CFTR: variants seen among roughly 807,000 people sequenced by gnomAD.
CFTR encodes cystic fibrosis transmembrane conductance regulator.
CFTR carries 181 observed loss-of-function variants against 171.6 expected under a neutral mutation model. That is an observed-to-expected ratio of 1.05 (90% CI 0.93 to 1.19). The LOEUF (loss-of-function observed/expected upper bound fraction) is 1.19. Among genes scored for constraint, CFTR ranks in the 50% most tolerant of loss-of-function variants. CFTR has a pLI of 0.00. For synonymous variants in CFTR, 583 were observed against 608.0 expected, an observed-to-expected ratio of 0.96 and a Z score of 0.60; for missense variants, 1,968 against 1,734.7, an observed-to-expected ratio of 1.13 and a Z score of -2.39.
At chr7:117,614,416 GTTGA>G (rs1176773372) in intron 20 of CFTR, among the ~76,000 whole-genome samples, 193 bp from the exon 21 acceptor site, 1 of 152,036 alleles carries the variant, frequency 6.6e-6, no homozygotes. Flanking sequence ...TAAAATCCTG[GTTGA>G]ATACTTACTA....
chr7:117,537,291 T>G (rs1181324591), intron 7 of CFTR, among the ~76,000 whole-genome samples: 1 of 152,178 alleles, frequency 6.6e-6, no homozygotes, highest in Admixed American at 6.6e-5. Flanking sequence ...CTTTCACTGA[T>G]TAGTAAAGAT....
chr7:117,501,777 A>AAAAAAAAAAAAAAAAAAAAAAAAAAC (rs1798334726), intron 1 of CFTR, among the ~76,000 whole-genome samples: 1 of 135,742 alleles, frequency 7.4e-6, no homozygotes, highest in Non-Finnish European at 1.6e-5. Flanking sequence ...AAAAAGAAAC[A>AAAAAAAAAAAAAAAAAAAAAAAAAAC]AAAAAAAAAA....
At chr7:117,590,240 C>A in intron 12 of CFTR, 113 bp from the exon 13 acceptor site, 1 of 1,231,946 alleles carries the variant, frequency 8.1e-7, no homozygotes, top group Non-Finnish European at 1.1e-6. Context: ...TTCAGTGAAT[C>A]GATGTGGTGA....
intron 10 of CFTR, among the ~76,000 whole-genome samples, chr7:117,552,087 T>C (rs1799281889): frequency 1.3e-5 from 2 of 150,246 alleles, no homozygotes; most frequent in Admixed American, 6.6e-5. Flanking sequence ...CACACACACA[T>C]ATATATATGA....
chr7:117,591,278 A>G (rs1167780504), intron 13 of CFTR, among the ~76,000 whole-genome samples: 1 of 152,146 alleles, frequency 6.6e-6, no homozygotes, highest in Non-Finnish European at 1.5e-5. Context: ...AGTATAATCT[A>G]GAACAATGTG....
intron 22 of CFTR, among the ~76,000 whole-genome samples, chr7:117,641,900 G>A (rs998272957): frequency 1.9e-4 from 29 of 152,130 alleles, no homozygotes; most frequent in African/African-American, 6.8e-4. Flanking sequence ...TAAGGCCTTC[G>A]CCCAACCTGC....
chr7:117,619,566 T>C (rs2116109021), intron 21 of CFTR, among the ~76,000 whole-genome samples: 1 of 152,304 alleles, frequency 6.6e-6, no homozygotes, highest in Non-Finnish European at 1.5e-5. Context: ...GTCTGATGTG[T>C]AGAGAAAAGG....
At chr7:117,516,098 T>G (rs1020851988) in intron 3 of CFTR, among the ~76,000 whole-genome samples, 1 of 152,350 alleles carries the variant, frequency 6.6e-6, no homozygotes, top group Middle Eastern at 3.4e-3. Flanking sequence ...GTTCTTTCAT[T>G]CCTTTGTAGG....
Position 117,652,881 on chromosome 7 carries a change from G to A in CFTR, c.3913G>A (p.Asp1305Asn). The A allele has an allele frequency of 6.2e-7, 1 of 1,600,020 alleles. No homozygotes were observed. The highest frequency in any genetic ancestry group is 8.6e-7 in the Non-Finnish European group (1 of 1,169,104). Residue 1305 changes from aspartate to asparagine, a missense_variant, in exon 24 of 27, where the codon GAT becomes AAT. Transcript: ENST00000003084. ...IFSGTFRKNL[D>N]PYEQWSDQEI... is the part of the protein sequence containing the mutation. Reference sequence around the variant, plus strand: ...TTCTGGAACATTTAGAAAAAACTTGGATCCCTATGAACAGTGGAGTGATCA... The same window carrying A: ...TTCTGGAACATTTAGAAAAAACTTGAATCCCTATGAACAGTGGAGTGATCA...
At chr7:117,501,776 C>CAAAAAAAAAAAAAAAAAAAAAAAAAAAAA (rs796991857) in intron 1 of CFTR, among the ~76,000 whole-genome samples, 23 of 84,298 alleles carry the variant, frequency 2.7e-4, no homozygotes, top group Non-Finnish European at 5.2e-4. Context: ...AAAAAAGAAA[C>CAAAAAAAAAAAAAAAAAAAAAAAAAAAAA]AAAAAAAAAA....
chr7:117,627,329 CT>C (rs907559081), intron 21 of CFTR, among the ~76,000 whole-genome samples, 192 bp from the exon 22 acceptor site: 8 of 152,064 alleles, frequency 5.3e-5, no homozygotes, highest in African/African-American at 1.9e-4. Context: ...TATATAAGTC[CT>C]GGTTATTTCT....
intron 1 of CFTR, among the ~76,000 whole-genome samples, chr7:117,498,483 T>C (rs1015979187): frequency 3.9e-5 from 6 of 152,202 alleles, no homozygotes; most frequent in Admixed American, 3.3e-4. Context: ...TCTTGAAGCC[T>C]ACAAGTTTTA....
chr7:117,625,455 T>A (rs1421923602), intron 21 of CFTR, among the ~76,000 whole-genome samples: 1 of 152,122 alleles, frequency 6.6e-6, no homozygotes. Flanking sequence ...ACCAAAATAG[T>A]GGTTTTGAAA....
chr7:117,649,066 G>A (rs1189752137), intron 23 of CFTR, among the ~76,000 whole-genome samples: 3 of 151,686 alleles, frequency 2.0e-5, no homozygotes, highest in Non-Finnish European at 4.4e-5. Flanking sequence ...GAATATATGT[G>A]TATCTATTTT....
At chr7:117,648,834 A>G (rs1441821266) in intron 23 of CFTR, among the ~76,000 whole-genome samples, 1 of 152,196 alleles carries the variant, frequency 6.6e-6, no homozygotes, top group Non-Finnish European at 1.5e-5. Context: ...ACTATTTGTA[A>G]TACAGGAATG....
chr7:117,558,924 T>A (rs1202094029), intron 10 of CFTR, among the ~76,000 whole-genome samples: 9 of 152,224 alleles, frequency 5.9e-5, no homozygotes, highest in Admixed American at 5.9e-4. Context: ...CACAGTTATA[T>A]AAATCTTTGT....
chr7:117,645,559 C>T (rs1792985273), intron 23 of CFTR, among the ~76,000 whole-genome samples: 1 of 152,142 alleles, frequency 6.6e-6, no homozygotes, highest in African/African-American at 2.4e-5. Context: ...ATCAGTCATC[C>T]TTCCTTTTTT....
chr7:117,597,089 C>A (rs562034200), intron 15 of CFTR, among the ~76,000 whole-genome samples: 1 of 152,282 alleles, frequency 6.6e-6, no homozygotes, highest in Non-Finnish European at 1.5e-5. Flanking sequence ...AAGTGGCAAC[C>A]TGCTGGGGTC....
chr7:117,525,258 A>T (rs568754358), intron 3 of CFTR, among the ~76,000 whole-genome samples: 1 of 151,972 alleles, frequency 6.6e-6, no homozygotes, highest in South Asian at 2.1e-4. Context: ...AGTTTGTTAT[A>T]ATTTCTGTTC....
Sources: gnomAD v4.1 joint callset for allele counts (sites outside exome capture counted in the v4.1 genomes callset) on GRCh38, gnomAD v4.1.1 for gene constraint, MANE v1.5 for transcripts, NCBI Gene and HGNC (gene_info 2026-07-23, HGNC 2026-07-21) for gene names.